Variants in EXT2 observed in about 807,000 individuals in gnomAD.
EXT2 encodes exostosin glycosyltransferase 2.
In EXT2, 53 loss-of-function variants were observed where a neutral mutation model predicts 81.6. That is an observed-to-expected ratio of 0.65 (90% CI 0.52 to 0.82). The LOEUF (loss-of-function observed/expected upper bound fraction) is 0.82. Ranked by LOEUF, EXT2 falls within the 40% of genes least tolerant of loss-of-function variation. The pLI is 0.00. For synonymous variants in EXT2, 320 were observed against 340.0 expected (o/e 0.94, Z 0.65); for missense variants, 774 against 910.2 (o/e 0.85, Z 1.93).
At position 44,198,030 on chromosome 11, in the gene EXT2, T is replaced by C. The variant is rs1955479323; in HGVS notation, c.1495+12T>C. ...AAACCCTCCAGAAGGTAAGAAGCCT[T>C]AGTGCCTCTCTCAGCTGGATCAATT... On this transcript the variant is annotated intron_variant, in intron 9 of 13. Transcript: ENST00000533608. The C allele has an allele frequency of 6.2e-7, 1 of 1,613,914 alleles. No individual in the cohort carries two copies.
At chr11:44,206,686 C>A in intron 9 of EXT2, 107 bp from the exon 10 acceptor site, 1 of 1,166,442 alleles carries the variant, frequency 8.6e-7, no homozygotes, top group Non-Finnish European at 1.3e-6. Context: ...TGATGAGAGC[C>A]GTGGATACAA....
In EXT2 at chr11:44,247,028, A is replaced by G. The variant is rs973344032; in HGVS notation, c.*2741A>G. 6.6e-6 allele frequency among the ~76,000 whole-genome samples: 1 copy of G among 152,264 alleles called. No homozygotes were observed. Among genetic ancestry groups the G allele is most frequent in the Non-Finnish European group, 1.5e-5 (1 of 68,040 alleles). On this transcript the variant is annotated 3_prime_UTR_variant, in exon 14 of 14. Transcript: ENST00000533608. ...CACTGGCTTTGCCCCCAGGGGCCTA[A>G]CTGGGATGGGCCTGCTTGGAATGCC...
intron 9 of EXT2, among the ~76,000 whole-genome samples, chr11:44,204,448 A>G (rs1476211547): frequency 1.3e-5 from 2 of 152,228 alleles, no homozygotes; most frequent in Non-Finnish European, 2.9e-5. Context: ...TTTTAAGAGC[A>G]TGAAGGGATT....
chr11:44,119,124 T>TATA (rs1555004227), intron 4 of EXT2, among the ~76,000 whole-genome samples: 15 of 25,654 alleles, frequency 5.8e-4, no homozygotes, highest in South Asian at 2.1e-3. Flanking sequence ...ATTTGGCTAT[T>TATA]TATATATATA....
At chr11:44,197,571 T>C (rs769681339) in intron 8 of EXT2, among the ~76,000 whole-genome samples, 35 of 152,174 alleles carry the variant, frequency 2.3e-4, no homozygotes, top group Non-Finnish European at 1.2e-4. Context: ...GATAAACGCA[T>C]GCTTTAATCT....
intron 10 of EXT2, among the ~76,000 whole-genome samples, chr11:44,224,969 T>C (rs1955823126): frequency 6.6e-6 from 1 of 152,200 alleles, no homozygotes. Context: ...ATCATTTGGC[T>C]TATGATGACT....
intron 7 of EXT2, among the ~76,000 whole-genome samples, chr11:44,132,875 T>C (rs896145492): frequency 1.3e-5 from 2 of 152,222 alleles, no homozygotes; most frequent in African/African-American, 4.8e-5. Context: ...GAGTAATCCA[T>C]GTTCCCAAAA....
At chr11:44,196,665 G>C (rs182871671) in intron 8 of EXT2, among the ~76,000 whole-genome samples, 1 of 152,266 alleles carries the variant, frequency 6.6e-6, no homozygotes, top group Non-Finnish European at 1.5e-5. Flanking sequence ...TAATGTTGAA[G>C]AGTTGTTTCT....
At chr11:44,233,933 C>A (rs535282011) in intron 11 of EXT2, among the ~76,000 whole-genome samples, 182 bp from the exon 12 acceptor site, 2 of 152,274 alleles carry the variant, frequency 1.3e-5, no homozygotes, top group African/African-American at 4.8e-5. Context: ...CCATATTGAA[C>A]ATGCTTGGTC....
intron 7 of EXT2, among the ~76,000 whole-genome samples, chr11:44,165,646 A>G (rs549728265): frequency 6.6e-6 from 1 of 152,326 alleles, no homozygotes; most frequent in South Asian, 2.1e-4. Flanking sequence ...CACTGTGATT[A>G]TATGTGAGCA....
intron 13 of EXT2, 140 bp from the exon 14 acceptor site, chr11:44,244,009 G>T: frequency 1.2e-6 from 1 of 818,338 alleles, no homozygotes. Flanking sequence ...GTGGCTACTT[G>T]AGCTTTTTTT....
intron 8 of EXT2, among the ~76,000 whole-genome samples, chr11:44,186,755 T>G (rs1955316685): frequency 6.6e-6 from 1 of 152,120 alleles, no homozygotes; most frequent in Admixed American, 6.5e-5. Flanking sequence ...ATGATCTGAG[T>G]GACTTGAGGT....
rs1956109187 is a variant in EXT2 at position 44,247,894 on chromosome 11, GA to G, written c.*3609del. Among the ~76,000 whole-genome samples the G allele has an allele frequency of 6.6e-6, 1 of 152,226 alleles. No individual in the cohort carries two copies. The highest frequency in any genetic ancestry group is 1.5e-5 in the Non-Finnish European group (1 of 68,040). ...TAGCACGTTTCTAGCCACAGGTTCT[GA>G]AGTTGATTTGAGGTTAAAATCCAAG... On this transcript the variant is annotated 3_prime_UTR_variant, in exon 14 of 14. Transcript: ENST00000533608.
intron 10 of EXT2, among the ~76,000 whole-genome samples, chr11:44,225,977 T>C (rs1955834360): frequency 6.6e-6 from 1 of 152,244 alleles, no homozygotes. Context: ...CTGGTACAGA[T>C]ACAAGGATGA....
At chr11:44,171,164 T>C (rs1273214270) in intron 7 of EXT2, among the ~76,000 whole-genome samples, 1 of 152,212 alleles carries the variant, frequency 6.6e-6, no homozygotes, top group Non-Finnish European at 1.5e-5. Flanking sequence ...AGGGATGAGA[T>C]ACTGACTGGG....
intron 8 of EXT2, among the ~76,000 whole-genome samples, chr11:44,189,131 T>C (rs1461763366): frequency 6.6e-6 from 1 of 152,246 alleles, no homozygotes; most frequent in African/African-American, 2.4e-5. Flanking sequence ...ATATCAGTCA[T>C]GGTACTTGTT....
chr11:44,222,539 CT>C (rs1374117615), intron 10 of EXT2, among the ~76,000 whole-genome samples: 1 of 152,074 alleles, frequency 6.6e-6, no homozygotes, highest in Non-Finnish European at 1.5e-5. Flanking sequence ...TGGTCTTTTC[CT>C]TGCTGACTTT....
intron 10 of EXT2, among the ~76,000 whole-genome samples, chr11:44,218,893 G>A (rs896964533): frequency 1.4e-4 from 21 of 150,172 alleles, no homozygotes; most frequent in African/African-American, 5.1e-4. Flanking sequence ...TGCCTCCTGG[G>A]TTCAAGTGAT....
At chr11:44,140,645 CCTT>C (rs1954633447) in intron 7 of EXT2, among the ~76,000 whole-genome samples, 1 of 152,192 alleles carries the variant, frequency 6.6e-6, no homozygotes, top group Admixed American at 6.5e-5. Context: ...TCCTTACTCT[CCTT>C]CTCCTTTAAA....
Sources: gnomAD v4.1 joint callset for allele counts (sites outside exome capture counted in the v4.1 genomes callset) on GRCh38, gnomAD v4.1.1 for gene constraint, MANE v1.5 for transcripts, NCBI Gene and HGNC (gene_info 2026-07-23, HGNC 2026-07-21) for gene names.